The following NHSL1 variants were observed in gnomAD, a reference collection of about 807,000 sequenced individuals.
The protein encoded by NHSL1 is NHS like 1, also known as NHS-like protein 1.
NHSL1 carries 48 observed loss-of-function variants against 95.0 expected under a neutral mutation model. The ratio of observed to expected loss-of-function variants is 0.51; its 90% CI spans 0.40 to 0.64. The LOEUF (loss-of-function observed/expected upper bound fraction) is 0.64. Among genes scored for constraint, NHSL1 ranks in the 30% least tolerant of loss-of-function variants. The pLI, the probability that NHSL1 is intolerant of heterozygous loss-of-function variation, is 0.00. For missense variants in NHSL1, 1,971 were observed against 2,077.7 expected (o/e 0.95, Z 1.00); for synonymous variants, 783 against 833.9 (o/e 0.94, Z 1.05).
rs1441242225 is a variant in NHSL1 at position 138,423,847 on chromosome 6, C to T, written c.*234G>A. On this transcript the variant is annotated 3_prime_UTR_variant, in exon 8 of 8. Transcript: ENST00000343505. ...AAAAAAAAAAAAAAAAAATCTTCCC[C>T]GGGAAGCACTTTCAGAAGTTTAAGC... The T allele has an allele frequency of 1.4e-5, 5 of 360,900 alleles. No homozygotes were observed. The highest frequency in any genetic ancestry group is 2.4e-5 in the Non-Finnish European group (5 of 207,582). The allele number at this position is 360,900 out of a possible 1,614,324, so 22.4% of individuals were successfully genotyped here.
intron 2 of NHSL1, among the ~76,000 whole-genome samples, chr6:138,473,736 T>C (rs1304562676): frequency 6.6e-6 from 1 of 152,102 alleles, no homozygotes; most frequent in Non-Finnish European, 1.5e-5. Context: ...CATTGAAGTT[T>C]AGGGTAATTA....
intron 1 of NHSL1, among the ~76,000 whole-genome samples, chr6:138,558,877 A>G (rs1172367737): frequency 6.6e-6 from 1 of 152,000 alleles, no homozygotes; most frequent in Non-Finnish European, 1.5e-5. Flanking sequence ...CCCCTTCTCT[A>G]CAAAAAAACA....
intron 3 of NHSL1, among the ~76,000 whole-genome samples, chr6:138,467,700 A>G (rs1369397936): frequency 6.6e-6 from 1 of 152,340 alleles, no homozygotes; most frequent in East Asian, 1.9e-4. Context: ...CTTGTGTCTT[A>G]GTGTTTAATA....
At chr6:138,688,272 G>A (rs1218681303) in intron 1 of NHSL1, among the ~76,000 whole-genome samples, 1 of 149,794 alleles carries the variant, frequency 6.7e-6, no homozygotes, top group Non-Finnish European at 1.5e-5. Context: ...CTTTAAGTGG[G>A]TGAATTGTAT....
intron 1 of NHSL1, among the ~76,000 whole-genome samples, chr6:138,544,983 C>CTTTTT (rs35979187): frequency 0.022 from 1,836 of 83,092 alleles, 2 homozygotes; most frequent in Non-Finnish European, 0.03. Context: ...TCTTTCTTTT[C>CTTTTT]TTTTTTTTTT....
intron 2 of NHSL1, among the ~76,000 whole-genome samples, chr6:138,477,295 C>G (rs914493330): frequency 2.0e-5 from 3 of 151,986 alleles, no homozygotes; most frequent in Non-Finnish European, 2.9e-5. Flanking sequence ...TTAAATGAAC[C>G]CTATAAGAAG....
At chr6:138,533,512 C>A (rs1375286507) in intron 1 of NHSL1, among the ~76,000 whole-genome samples, 1 of 152,128 alleles carries the variant, frequency 6.6e-6, no homozygotes, top group Non-Finnish European at 1.5e-5. Context: ...CACGCCACTG[C>A]ACTCCAGCCT....
intron 1 of NHSL1, among the ~76,000 whole-genome samples, chr6:138,531,491 TTCATTTGTCAACCATTTTGTTTCTC>T (rs1395327071): frequency 6.6e-6 from 1 of 151,860 alleles, no homozygotes; most frequent in Non-Finnish European, 1.5e-5. Flanking sequence ...TTAGATCTAC[TTCATTTGTCAACCATTTTGTTTCTC>T]TCTCTTTTTT....
chr6:138,661,984 G>A (rs1223264796), intron 1 of NHSL1, among the ~76,000 whole-genome samples: 1 of 152,122 alleles, frequency 6.6e-6, no homozygotes, highest in East Asian at 1.9e-4. Flanking sequence ...TGAGGTAGAA[G>A]GATCACTTGA....
chr6:138,644,774 T>C (rs1200356635), intron 1 of NHSL1, among the ~76,000 whole-genome samples: 4 of 152,206 alleles, frequency 2.6e-5, no homozygotes, highest in Non-Finnish European at 2.9e-5. Context: ...TTCAACTTAG[T>C]TTATGTGTTT....
intron 2 of NHSL1, among the ~76,000 whole-genome samples, chr6:138,477,983 A>C (rs1431682309): frequency 9.0e-6 from 1 of 110,518 alleles, no homozygotes; most frequent in Non-Finnish European, 1.9e-5. Flanking sequence ...AAGACAATGC[A>C]TCTTTTTTTC....
chr6:138,505,287 A>C (rs1780900191), intron 1 of NHSL1, among the ~76,000 whole-genome samples: 1 of 152,248 alleles, frequency 6.6e-6, no homozygotes, highest in Non-Finnish European at 1.5e-5. Context: ...ACAGGAGTTT[A>C]TGCAGAAATG....
rs545592422 is a variant in NHSL1, at chr6:138,652,333, C to T, written c.96+40143G>A. Among the ~76,000 whole-genome samples, 43 of 151,324 alleles carry T rather than the reference C, an allele frequency of 2.8e-4. No individual in the cohort carries two copies. In the East Asian group the frequency reaches 2.9e-3, roughly 10 times the overall value. On this transcript the variant is annotated intron_variant, in intron 1 of 3. Transcript: ENST00000491526. ...GCTCATGCCTGTAATCCCAGCTACT[C>T]GGGAGGTTGAAGCAGGAGAATCACT... is the stretch of plus-strand genomic sequence containing the variant.
chr6:138,544,893 C>A (rs1230255010), intron 1 of NHSL1, among the ~76,000 whole-genome samples: 2 of 151,408 alleles, frequency 1.3e-5, no homozygotes, highest in Admixed American at 1.3e-4. Flanking sequence ...CAGGGAATGA[C>A]GACATATACT....
chr6:138,569,730 G>C (rs1266880034), intron 1 of NHSL1, among the ~76,000 whole-genome samples: 2 of 152,184 alleles, frequency 1.3e-5, no homozygotes, highest in African/African-American at 4.8e-5. Flanking sequence ...ATTCCCCTGA[G>C]ACAAGATGTC....
chr6:138,545,078 A>C (rs1461295903), intron 1 of NHSL1, among the ~76,000 whole-genome samples: 2 of 146,452 alleles, frequency 1.4e-5, no homozygotes, highest in Non-Finnish European at 3.0e-5. Flanking sequence ...GCAACATCCA[A>C]CTCCTGGGTT....
At chr6:138,610,163 A>T (rs1320226176) in intron 1 of NHSL1, among the ~76,000 whole-genome samples, 1 of 152,220 alleles carries the variant, frequency 6.6e-6, no homozygotes, top group African/African-American at 2.4e-5. Context: ...AAACGTGAGG[A>T]GCAAGAAAAG....
intron 3 of NHSL1, among the ~76,000 whole-genome samples, chr6:138,465,044 T>C (rs1778268572): frequency 7.2e-6 from 1 of 139,482 alleles, no homozygotes. Context: ...TAAAGCAATA[T>C]GTATGCCTTC....
chr6:138,638,562 G>A (rs2114677618), intron 1 of NHSL1, among the ~76,000 whole-genome samples: 1 of 152,224 alleles, frequency 6.6e-6, no homozygotes, highest in South Asian at 2.1e-4. Flanking sequence ...TTACTGTCAA[G>A]GAGGTAGGAA....
Sources: gnomAD v4.1 joint callset for allele counts (sites outside exome capture counted in the v4.1 genomes callset) on GRCh38, gnomAD v4.1.1 for gene constraint, MANE v1.5 for transcripts, NCBI Gene and HGNC (gene_info 2026-07-23, HGNC 2026-07-21) for gene names.